SPTBN1: variants seen among roughly 807,000 people sequenced by gnomAD.
SPTBN1 encodes spectrin beta chain, non-erythrocytic 1.
A neutral mutation model predicts 266.4 loss-of-function variants in SPTBN1; 32 were observed. The observed-to-expected ratio is 0.12, with a 90% confidence interval of 0.09 to 0.16. The LOEUF is 0.16. Ranked by LOEUF, SPTBN1 falls within the 10% of genes least tolerant of loss-of-function variation. SPTBN1 has a pLI of 1.00. For synonymous variants in SPTBN1, 1,336 were observed against 1,162.2 expected (o/e 1.15, Z -3.04); for missense variants, 2,296 against 3,067.1 (o/e 0.75, Z 5.94).
intron 1 of SPTBN1, among the ~76,000 whole-genome samples, chr2:54,472,686 G>A (rs1051473694): frequency 6.6e-6 from 1 of 152,120 alleles, no homozygotes; most frequent in Non-Finnish European, 1.5e-5. Flanking sequence ...CAAGGTTGCA[G>A]GGGGTGTGGG....
At chr2:54,563,663 G>A (rs1209926653) in intron 2 of SPTBN1, among the ~76,000 whole-genome samples, 1 of 140,360 alleles carries the variant, frequency 7.1e-6, no homozygotes, top group Non-Finnish European at 1.5e-5. Flanking sequence ...GAGTGCAGTG[G>A]CGCGATCTCG....
chr2:54,474,571 G>C (rs1433476115), intron 1 of SPTBN1, among the ~76,000 whole-genome samples: 1 of 152,022 alleles, frequency 6.6e-6, no homozygotes. Context: ...AAATATGTAA[G>C]TATTATTTAC....
chr2:54,646,566 A>T lies in SPTBN1; in HGVS notation c.4866+91A>T, dbSNP rs745566528. The T allele has an allele frequency of 9.2e-5, 128 of 1,388,914 alleles. No homozygotes were observed. Among genetic ancestry groups the T allele is most frequent in the Non-Finnish European group, 1.2e-4 (128 of 1,064,274 alleles). The allele number at this position is 1,388,914 out of a possible 1,614,324, so 86.0% of individuals were successfully genotyped here. A position where few individuals can be genotyped will look rare whatever the true frequency, so the allele number is the denominator to read the frequency against. ...CTGCTGGCGGCTCTGTCTGTATAAA[A>T]ACTTCCCTTGTAGCCTTTGAGTGTT... On this transcript the variant is annotated intron_variant, in intron 23 of 35. Transcript: ENST00000356805. This position sits in a 1 kb window ranked among gnomAD's most constrained non-coding sequence, Gnocchi z 4.4.
chr2:54,526,851 T>G (rs938111520), intron 2 of SPTBN1: 1 of 291,080 alleles, frequency 3.4e-6, no homozygotes, highest in African/African-American at 2.2e-5. Context: ...TTGACAAATC[T>G]TACATTCCAA....
At chr2:54,529,739 AG>A in intron 2 of SPTBN1, 1 of 683,206 alleles carries the variant, frequency 1.5e-6, no homozygotes, top group Non-Finnish European at 2.7e-6. Context: ...GGAGAGATGA[AG>A]GCATATGTTC....
intron 2 of SPTBN1, among the ~76,000 whole-genome samples, chr2:54,597,212 C>T (rs6721612): frequency 0.15 from 22,210 of 152,124 alleles, 1,735 homozygotes; most frequent in Middle Eastern, 0.19. Context: ...GATAAGAGGC[C>T]ATCTGTGAAA....
chr2:54,546,142 A>G (rs1198136028), intron 2 of SPTBN1, among the ~76,000 whole-genome samples: 1 of 152,150 alleles, frequency 6.6e-6, no homozygotes, highest in Non-Finnish European at 1.5e-5. Context: ...GATTTTTGCC[A>G]TTTGCCCTTC....
chr2:54,655,036 TCTC>T, intron 27 of SPTBN1, 31 bp from the exon 28 acceptor site: 2 of 1,578,256 alleles, frequency 1.3e-6, no homozygotes, highest in Admixed American at 1.9e-5. Flanking sequence ...AAAAGCTTGA[TCTC>T]CTAACGGAGG....
chr2:54,660,360 T>C (rs945402518), intron 32 of SPTBN1: 2 of 1,199,178 alleles, frequency 1.7e-6, no homozygotes, highest in African/African-American at 3.1e-5. Flanking sequence ...GAAATGAAAT[T>C]AAATGAGATT....
At chr2:54,589,776 C>A (rs1165272259) in intron 2 of SPTBN1, among the ~76,000 whole-genome samples, 1 of 152,184 alleles carries the variant, frequency 6.6e-6, no homozygotes, top group East Asian at 1.9e-4. Context: ...AGCCAGCTGC[C>A]TGTTTCCGGC....
At chr2:54,612,897 GT>G (rs1487945776) in intron 4 of SPTBN1, among the ~76,000 whole-genome samples, 1 of 152,176 alleles carries the variant, frequency 6.6e-6, no homozygotes, top group African/African-American at 2.4e-5. Context: ...TGCTTTATGG[GT>G]TTTGTTATAC....
At chr2:54,510,148 A>G (rs1669780066) in intron 1 of SPTBN1, among the ~76,000 whole-genome samples, 2 of 151,884 alleles carry the variant, frequency 1.3e-5, no homozygotes, top group South Asian at 4.2e-4. Flanking sequence ...TATTTGAGAC[A>G]GGGTTTCACC....
At chr2:54,595,544 C>A (rs72920524) in intron 2 of SPTBN1, among the ~76,000 whole-genome samples, 1,627 of 152,364 alleles carry the variant, frequency 0.011, 34 homozygotes, top group African/African-American at 0.036. Context: ...ATCGCCCAGA[C>A]CCAGCCCGCC....
rs191632952 is a variant in SPTBN1 at position 54,482,750 on chromosome 2, G to A, written c.-48+26232G>A. Among the ~76,000 whole-genome samples the A allele has an allele frequency of 2.7e-3, 406 of 152,264 alleles. 2 individuals are homozygous for A. The highest frequency in any genetic ancestry group is 8.5e-3 in the African/African-American group (353 of 41,548). ...TCCATCACAGCAGACAGTTTCATTG[G>A]GCAGCCTAGATCTAGGGTGTCAACA... On this transcript the variant is annotated intron_variant, in intron 1 of 35. Coordinates refer to ENST00000356805, the MANE Select transcript of SPTBN1 (RefSeq NM_003128.3).
intron 1 of SPTBN1, among the ~76,000 whole-genome samples, chr2:54,486,907 T>G (rs1322216453): frequency 6.6e-6 from 1 of 152,142 alleles, no homozygotes; most frequent in Admixed American, 6.5e-5. Flanking sequence ...AAAAAACTGC[T>G]TTTGCTTTGT....
intron 7 of SPTBN1, among the ~76,000 whole-genome samples, chr2:54,619,751 C>T (rs2103854004): frequency 6.6e-6 from 1 of 152,276 alleles, no homozygotes; most frequent in East Asian, 1.9e-4. Flanking sequence ...CCTTTGTGCA[C>T]ACTTTGACGG....
At chr2:54,634,437 C>T (rs1295371909) in intron 17 of SPTBN1, among the ~76,000 whole-genome samples, 1 of 152,178 alleles carries the variant, frequency 6.6e-6, no homozygotes, top group Admixed American at 6.6e-5. Flanking sequence ...GTAAAGATAA[C>T]CCTGTACTAT....
intron 10 of SPTBN1, among the ~76,000 whole-genome samples, 158 bp from the exon 11 acceptor site, chr2:54,624,646 T>C (rs180855267): frequency 1.2e-3 from 181 of 152,318 alleles, no homozygotes; most frequent in African/African-American, 4.3e-3. Flanking sequence ...CCCGTTTTTT[T>C]CCTCAAGGCT....
intron 1 of SPTBN1, among the ~76,000 whole-genome samples, chr2:54,511,002 A>C (rs964101297): frequency 6.6e-6 from 1 of 152,242 alleles, no homozygotes; most frequent in African/African-American, 2.4e-5. Context: ...GACTTTCTGG[A>C]AAGTGTGGTG....
Sources: allele counts gnomAD v4.1 joint callset (sites outside exome capture counted in the v4.1 genomes callset), GRCh38; gene constraint gnomAD v4.1.1; non-coding constraint Gnocchi (gnomAD v3.1); transcripts MANE v1.5; gene names NCBI Gene and HGNC (gene_info 2026-07-23, HGNC 2026-07-21).